The following DTNA variants were observed in gnomAD, a reference collection of about 807,000 sequenced individuals.
The protein encoded by DTNA is dystrobrevin alpha.
A neutral mutation model predicts 100.7 loss-of-function variants in DTNA; 43 were observed. That is an observed-to-expected ratio of 0.43 (90% CI 0.33 to 0.55). The LOEUF (loss-of-function observed/expected upper bound fraction) is 0.55. DTNA is among the 20% of genes least tolerant of loss of function. DTNA has a pLI of 0.04. For missense variants in DTNA, 798 were observed against 953.9 expected, an observed-to-expected ratio of 0.84 and a Z score of 2.15; for synonymous variants, 349 against 347.9, an observed-to-expected ratio of 1.00 and a Z score of -0.04.
chr18:34,837,677 C>T (rs1043371495), intron 11 of DTNA, among the ~76,000 whole-genome samples: 3 of 152,140 alleles, frequency 2.0e-5, no homozygotes, highest in African/African-American at 7.2e-5. Flanking sequence ...AGGTAATTTT[C>T]AAGTCTTTCT....
At chr18:34,868,394 G>A (rs960327352) in intron 17 of DTNA, 18 of 839,870 alleles carry the variant, frequency 2.1e-5, no homozygotes, top group South Asian at 5.4e-5. Flanking sequence ...CTATAGAGGC[G>A]GTTCTGCAAG....
intron 4 of DTNA, among the ~76,000 whole-genome samples, chr18:34,800,062 T>A (rs2095148677): frequency 6.6e-6 from 1 of 152,064 alleles, no homozygotes; most frequent in Non-Finnish European, 1.5e-5. Context: ...ACTTCTAAAT[T>A]CAAAGCATCA....
chr18:34,764,592 A>G (rs1186178179), intron 2 of DTNA, among the ~76,000 whole-genome samples: 1 of 152,198 alleles, frequency 6.6e-6, no homozygotes, highest in East Asian at 1.9e-4. Context: ...GTAAAACCAC[A>G]AAGTAATAGG....
At chr18:34,746,059 C>T (rs2091519876) in intron 1 of DTNA, among the ~76,000 whole-genome samples, 1 of 151,852 alleles carries the variant, frequency 6.6e-6, no homozygotes, top group Admixed American at 6.6e-5. Flanking sequence ...AAATATTTTA[C>T]TTTTATAAAT....
rs963095099 is a variant in DTNA at position 34,643,631 on chromosome 18, C to T, written c.-1-112345C>T. On this transcript the variant is annotated intron_variant, in intron 1 of 19. Coordinates refer to the DTNA transcript ENST00000283365. ...CAACAAAATCCCAAGATCCAGTTTC[C>T]TTGTCTAGGCTCTTGGTCAGAAGCA... Among the ~76,000 whole-genome samples the T allele has an allele frequency of 2.0e-5, 3 of 152,282 alleles. No homozygotes were observed. In the East Asian group the frequency reaches 5.8e-4, roughly 29 times the overall value.
At position 34,890,500 on chromosome 18, in the gene DTNA, G is replaced by T; in HGVS notation, c.*2766G>T. 2 of 1,531,990 alleles carry T rather than the reference G, an allele frequency of 1.3e-6. No individual in the cohort carries two copies. Among genetic ancestry groups the T allele is most frequent in the Non-Finnish European group, 8.7e-7 (1 of 1,144,348 alleles). 94.9% of individuals were successfully genotyped at this position (1,531,990 alleles called of 1,614,324 possible). A position where few individuals can be genotyped will look rare whatever the true frequency, so the allele number is the denominator to read the frequency against. ...TTAGATACAACTACATCTTGCGGGG[G>T]TTGTTTCTTTCTTGTTCCACAATGA... On this transcript the variant is annotated 3_prime_UTR_variant, in exon 23 of 23. Coordinates refer to ENST00000444659, the MANE Select transcript of DTNA (RefSeq NM_001386795.1).
intron 15 of DTNA, among the ~76,000 whole-genome samples, chr18:34,857,958 T>A (rs2150050440): frequency 1.3e-5 from 2 of 152,250 alleles, no homozygotes; most frequent in Middle Eastern, 6.8e-3. Context: ...GTTGGACACA[T>A]TACCTTACTT....
At chr18:34,560,019 C>T (rs2046492541) in intron 1 of DTNA, among the ~76,000 whole-genome samples, 1 of 152,164 alleles carries the variant, frequency 6.6e-6, no homozygotes, top group Admixed American at 6.5e-5. Context: ...CATACATACC[C>T]TTTCCCATAT....
At chr18:34,635,985 A>G (rs1312130004) in intron 1 of DTNA, among the ~76,000 whole-genome samples, 3 of 152,054 alleles carry the variant, frequency 2.0e-5, no homozygotes, top group African/African-American at 7.2e-5. Context: ...ACTTAAAATG[A>G]TGTTCCACAA....
intron 9 of DTNA, among the ~76,000 whole-genome samples, chr18:34,826,683 A>C (rs1023952934): frequency 6.6e-6 from 1 of 152,178 alleles, no homozygotes; most frequent in African/African-American, 2.4e-5. Context: ...ATTTCCTCTG[A>C]TTCAGAAAAT....
intron 1 of DTNA, among the ~76,000 whole-genome samples, chr18:34,727,923 T>C (rs2087096870): frequency 6.6e-6 from 1 of 152,054 alleles, no homozygotes; most frequent in African/African-American, 2.4e-5. Context: ...TAAAATGCCA[T>C]CTACTATCTA....
At chr18:34,833,997 A>G (rs1027644311) in intron 11 of DTNA, among the ~76,000 whole-genome samples, 1 of 152,220 alleles carries the variant, frequency 6.6e-6, no homozygotes, top group African/African-American at 2.4e-5. Context: ...ATTGTACCTG[A>G]TCCCAAATCC....
At chr18:34,495,805 C>T (rs1344250250) in intron 1 of DTNA, among the ~76,000 whole-genome samples, 1 of 152,034 alleles carries the variant, frequency 6.6e-6, no homozygotes, top group Non-Finnish European at 1.5e-5. Context: ...TTAAATGAAC[C>T]GTGATGTGAA....
chr18:34,631,732 A>C (rs916235222), intron 1 of DTNA, among the ~76,000 whole-genome samples: 3 of 152,246 alleles, frequency 2.0e-5, no homozygotes, highest in African/African-American at 7.2e-5. Context: ...AACTGTTACC[A>C]CATGGAAATT....
At chr18:34,802,349 T>A (rs2095245061) in intron 4 of DTNA, among the ~76,000 whole-genome samples, 1 of 152,200 alleles carries the variant, frequency 6.6e-6, no homozygotes, top group East Asian at 1.9e-4. Context: ...GCTTTCCTGC[T>A]CGTTTGTACA....
chr18:34,886,266 A>G (rs2096920733), intron 22 of DTNA, among the ~76,000 whole-genome samples: 1 of 152,240 alleles, frequency 6.6e-6, no homozygotes, highest in Admixed American at 6.5e-5. Flanking sequence ...TGCTATGATC[A>G]TATATATTTT....
rs140650810 is a variant in DTNA at position 34,695,540 on chromosome 18, A to G, written c.-1-60436A>G. Among the ~76,000 whole-genome samples, 304 of 152,328 alleles carry G rather than the reference A, an allele frequency of 2.0e-3. 2 individuals are homozygous for G. The highest frequency in any genetic ancestry group is 6.8e-3 in the African/African-American group (283 of 41,558). On this transcript the variant is annotated intron_variant, in intron 1 of 19. Transcript: ENST00000283365. ...ACGGGTCAGAGAGTCTGAAGAACAT[A>G]AATAACTGAAGCATTGACATTAGTT...
chr18:34,709,575 A>G (rs1274190045), upstream of DTNA: 1 of 152,180 alleles, frequency 6.6e-6, no homozygotes, highest in African/African-American at 2.4e-5. Context: ...AGGATTGCTC[A>G]GAGTTTGTAT....
intron 1 of DTNA, among the ~76,000 whole-genome samples, chr18:34,748,593 T>C (rs1366054313): frequency 6.6e-6 from 1 of 152,184 alleles, no homozygotes; most frequent in Non-Finnish European, 1.5e-5. Context: ...TTTTGTATGC[T>C]TTGTTGAAGA....
Sources: gnomAD v4.1 joint callset for allele counts (sites outside exome capture counted in the v4.1 genomes callset) on GRCh38, gnomAD v4.1.1 for gene constraint, MANE v1.5 for transcripts, NCBI Gene and HGNC (gene_info 2026-07-23, HGNC 2026-07-21) for gene names.